The following ENPP1 variants were observed in gnomAD, a reference collection of about 807,000 sequenced individuals.
ENPP1 encodes the protein ectonucleotide pyrophosphatase/phosphodiesterase family member 1.
A neutral mutation model predicts 122.8 loss-of-function variants in ENPP1; 73 were observed. The observed-to-expected ratio is 0.59, with a 90% confidence interval of 0.49 to 0.72. The LOEUF is 0.72. ENPP1 is among the 30% of genes least tolerant of loss of function. The pLI is 0.00. For missense variants in ENPP1, 978 were observed against 1,128.1 expected (o/e 0.87, Z 1.91); for synonymous variants, 367 against 391.6 (o/e 0.94, Z 0.74).
rs759116568 is a variant in ENPP1, at chr6:131,890,552, A to C, written c.*41A>C. On this transcript the variant is annotated 3_prime_UTR_variant, in exon 25 of 25. Transcript: ENST00000647893. ...CAAACACCATGAATCTTTTTGAGAG[A>C]ACCTTATATTTTATATAGTCCTCTA... 3.9e-6 allele frequency: 6 copies of C among 1,523,364 alleles called. No homozygotes were observed. In the African/African-American group the frequency reaches 8.2e-5, roughly 21 times the overall value. The allele number at this position is 1,523,364 out of a possible 1,614,324, so 94.4% of individuals were successfully genotyped here. A position where few individuals can be genotyped will look rare whatever the true frequency, so the allele number is the denominator to read the frequency against.
chr6:131,857,656 G>A (rs1166493505), intron 6 of ENPP1, among the ~76,000 whole-genome samples: 2 of 152,158 alleles, frequency 1.3e-5, no homozygotes, highest in Admixed American at 1.3e-4. Flanking sequence ...GTTGTGGGGT[G>A]GGGTGAGGGG....
At position 131,818,239 on chromosome 6, in the gene ENPP1, C is replaced by T. The variant is rs560864416; in HGVS notation, c.240+9964C>T. Among the ~76,000 whole-genome samples, 7 of 152,036 alleles carry T rather than the reference C, an allele frequency of 4.6e-5. No homozygotes were observed. The East Asian group carries it at 1.2e-3, about 25-fold the overall frequency. ...AAAGGAGTGATGGCACCTTAGCAGA[C>T]GTCATTGCAATGACACCAATTGTAC... On this transcript the variant is annotated intron_variant, in intron 1 of 24. Transcript: ENST00000647893.
rs1340570838 is a variant in ENPP1 at position 131,892,659 on chromosome 6, C to T, written c.*2148C>T. ...TTTAACTCAAAGCATCTTAGCAGAG[C>T]TTAATTAAATGGATAGATGCCTGTT... On this transcript the variant is annotated 3_prime_UTR_variant, in exon 25 of 25. Coordinates refer to ENST00000647893, the MANE Select transcript of ENPP1 (RefSeq NM_006208.3). 6.6e-6 allele frequency: 1 copy of T among 152,150 alleles called. No homozygotes were observed. Among genetic ancestry groups the T allele is most frequent in the Non-Finnish European group, 1.5e-5 (1 of 68,034 alleles). The allele number at this position is 152,150 out of a possible 1,614,324, so 9.4% of individuals were successfully genotyped here.
chr6:131,853,998 G>A (rs1486863460), intron 5 of ENPP1, among the ~76,000 whole-genome samples: 1 of 152,088 alleles, frequency 6.6e-6, no homozygotes, highest in African/African-American at 2.4e-5. Context: ...AAACCTCATT[G>A]ATCATTCCCA....
At chr6:131,874,239 CA>C in intron 15 of ENPP1, 28 bp from the exon 16 acceptor site, 4 of 1,261,418 alleles carry the variant, frequency 3.2e-6, no homozygotes, top group Non-Finnish European at 4.6e-6. Context: ...AAGGACTTTA[CA>C]TTTTTAATTC....
intron 13 of ENPP1, among the ~76,000 whole-genome samples, chr6:131,871,148 CT>C (rs1387545055): frequency 1.3e-5 from 2 of 152,090 alleles, no homozygotes; most frequent in East Asian, 3.9e-4. Context: ...GTACCATACC[CT>C]TATCTTAGGC....
At position 131,808,048 on chromosome 6, in the gene ENPP1, G is replaced by T; in HGVS notation, c.13G>T (p.Gly5Cys). 2.0e-6 allele frequency: 2 copies of T among 983,052 alleles called. No homozygotes were observed. Among genetic ancestry groups the T allele is most frequent in the Non-Finnish European group, 2.4e-6 (2 of 830,070 alleles). 60.9% of individuals were successfully genotyped at this position (983,052 alleles called of 1,614,324 possible). MERD[G>C]CAGGGSRGGE... ...GGCCGGGGCCACGATGGAGCGCGACGGCTGCGCGGGGGGCGGGAGCCGCGG... is the reference window on the plus strand; with the variant it reads ...GGCCGGGGCCACGATGGAGCGCGACTGCTGCGCGGGGGGCGGGAGCCGCGG... The change falls in exon 1 of 25, where the codon GGC (glycine) becomes TGC (cysteine). Residue 5 changes from glycine to cysteine, a missense_variant. By Grantham distance (159) the Gly-to-Cys change is radical. Transcript: ENST00000647893.
intron 20 of ENPP1, 96 bp from the exon 21 acceptor site, chr6:131,882,249 C>T (rs1020716084): frequency 1.0e-4 from 108 of 1,039,744 alleles, no homozygotes; most frequent in Middle Eastern, 7.0e-4. Flanking sequence ...GCTAGAGCTT[C>T]ATAATTTTAT....
intron 1 of ENPP1, among the ~76,000 whole-genome samples, chr6:131,824,185 G>A (rs1781515979): frequency 6.6e-6 from 1 of 152,042 alleles, no homozygotes; most frequent in Admixed American, 6.6e-5. Flanking sequence ...GCTGAAATAA[G>A]TGCAGCCCAG....
At chr6:131,827,368 C>G in intron 1 of ENPP1, 1 of 870,624 alleles carries the variant, frequency 1.1e-6, no homozygotes, top group Non-Finnish European at 2.0e-6. Flanking sequence ...TTGCTTTTTT[C>G]TCTTAACACC....
chr6:131,823,734 T>C (rs1585794770), intron 1 of ENPP1, among the ~76,000 whole-genome samples: 1 of 151,892 alleles, frequency 6.6e-6, no homozygotes, highest in East Asian at 1.9e-4. Context: ...CTGGATCCTG[T>C]TGAGGCCATA....
rs573487201 is a variant in ENPP1 at position 131,830,817 on chromosome 6, T to TA, written c.241-16951dup. 9.2e-5 allele frequency among the ~76,000 whole-genome samples: 14 copies of TA among 151,362 alleles called. No homozygotes were observed. In the South Asian group the frequency reaches 2.9e-3, roughly 32 times the overall value. On this transcript the variant is annotated intron_variant, in intron 1 of 24. Coordinates refer to ENST00000647893, the MANE Select transcript of ENPP1 (RefSeq NM_006208.3). ...TGTGTAAATGCATTTAAAACAATAA[T>TA]AAAAAAAATAGGGCCAGGCTGGGTG...
chr6:131,819,255 T>TAA (rs2114657049), intron 1 of ENPP1, among the ~76,000 whole-genome samples: 1 of 152,372 alleles, frequency 6.6e-6, no homozygotes, highest in Non-Finnish European at 1.5e-5. Context: ...TAACAGTATG[T>TAA]AAAGTTCAGT....
At chr6:131,852,913 G>T (rs1413305393) in intron 5 of ENPP1, among the ~76,000 whole-genome samples, 3 of 150,586 alleles carry the variant, frequency 2.0e-5, no homozygotes, top group South Asian at 2.1e-4. Flanking sequence ...CAGATATTTT[G>T]TACAGGGTCT....
chr6:131,827,136 C>G, intron 1 of ENPP1: 1 of 718,510 alleles, frequency 1.4e-6, no homozygotes, highest in South Asian at 1.4e-5. Context: ...GACTGTTGAG[C>G]ATAAAAAGAT....
chr6:131,846,201 C>G (rs1319839498), intron 1 of ENPP1, among the ~76,000 whole-genome samples: 2 of 152,142 alleles, frequency 1.3e-5, no homozygotes, highest in African/African-American at 4.8e-5. Context: ...AAGCCTCCAC[C>G]AACCATCTAC....
intron 1 of ENPP1, among the ~76,000 whole-genome samples, chr6:131,836,413 C>A (rs943129022): frequency 8.4e-6 from 1 of 118,350 alleles, no homozygotes; most frequent in Non-Finnish European, 1.7e-5. Flanking sequence ...CACACCCAGC[C>A]GAGTGTGTGT....
rs762703639 is a variant in ENPP1 at position 131,847,858 on chromosome 6, TGTGTGTG to T, written c.313+11_313+17del. 1.1e-3 allele frequency: 483 copies of T among 444,170 alleles called. 1 individual carries two copies. The highest frequency in any genetic ancestry group is 8.8e-3 in the African/African-American group (299 of 34,010). 27.5% of individuals were successfully genotyped at this position (444,170 alleles called of 1,614,324 possible). ...AGCTGTGCCAAAGAAGGTAATTAGG[TGTGTGTG>T]TGTGTGTGTGTGTGTGTGTGTGTGT... On this transcript the variant is annotated intron_variant, in intron 2 of 24. Transcript: ENST00000647893.
Position 131,886,595 on chromosome 6 carries a change from G to GATTC in ENPP1, c.2479_2482dup (p.Pro828HisfsTer13), listed in dbSNP as rs1199274808. The GATTC allele has an allele frequency of 3.7e-6, 6 of 1,613,698 alleles. No individual in the cohort carries two copies. The highest frequency in any genetic ancestry group is 5.1e-6 in the Non-Finnish European group (6 of 1,179,786). On this transcript the variant is annotated frameshift_variant, in exon 24 of 25. Coordinates refer to ENST00000647893, the MANE Select transcript of ENPP1 (RefSeq NM_006208.3). LOFTEE classifies it high-confidence loss of function. ...GAGTCATCCGTAACCAAGAAATTTT[G>GATTC]ATTCCAACTCACTTCTTTATTGTGC...
Sources: allele counts gnomAD v4.1 joint callset (sites outside exome capture counted in the v4.1 genomes callset), GRCh38; gene constraint gnomAD v4.1.1; transcripts MANE v1.5; gene names NCBI Gene and HGNC (gene_info 2026-07-23, HGNC 2026-07-21).